The following COL27A1 variants were observed in gnomAD, a reference collection of about 807,000 sequenced individuals.
COL27A1 encodes the protein collagen type XXVII alpha 1 chain.
Under a neutral mutation model 251.3 loss-of-function variants are expected in COL27A1, and 106 were observed. The ratio of observed to expected loss-of-function variants is 0.42; its 90% CI spans 0.36 to 0.50. The LOEUF is 0.50. Among genes scored for constraint, COL27A1 ranks in the 20% least tolerant of loss-of-function variants. The pLI is 0.00. For missense variants in COL27A1, 2,325 were observed against 2,522.8 expected, an observed-to-expected ratio of 0.92 and a Z score of 1.68; for synonymous variants, 1,000 against 986.3, an observed-to-expected ratio of 1.01 and a Z score of -0.26.
chr9:114,175,785 G>A (rs1401010967), intron 3 of COL27A1, among the ~76,000 whole-genome samples: 2 of 152,230 alleles, frequency 1.3e-5, no homozygotes, highest in African/African-American at 2.4e-5. Flanking sequence ...CACGGAGCCT[G>A]TTCCTCCCCG....
Position 114,276,393 on chromosome 9 carries a change from G to A in COL27A1, c.3717+625G>A, listed in dbSNP as rs141557762. On this transcript the variant is annotated intron_variant, in intron 37 of 60. Coordinates refer to ENST00000356083, the MANE Select transcript of COL27A1 (RefSeq NM_032888.4). ...AGCCAAGGCGGGTGGATCACTTGAGGTCAGGAGTTGGAGACCAGCCTGGCC... is the reference window on the plus strand; with the variant it reads ...AGCCAAGGCGGGTGGATCACTTGAGATCAGGAGTTGGAGACCAGCCTGGCC... Among the ~76,000 whole-genome samples the A allele has an allele frequency of 8.0e-3, 1,221 of 152,322 alleles. 10 individuals are homozygous for A. The highest frequency in any genetic ancestry group is 0.013 in the Non-Finnish European group (860 of 68,032).
chr9:114,176,450 G>A (rs1341337450), intron 3 of COL27A1, among the ~76,000 whole-genome samples: 1 of 151,022 alleles, frequency 6.6e-6, no homozygotes, highest in Non-Finnish European at 1.5e-5. Flanking sequence ...TGTCGGCTAG[G>A]TGCTATTATT....
chr9:114,289,974 A>G (rs1200153713), intron 45 of COL27A1, 84 bp from the exon 46 acceptor site: 21 of 1,463,728 alleles, frequency 1.4e-5, no homozygotes, highest in Non-Finnish European at 1.9e-5. Context: ...GGGGCCCACA[A>G]TCCTCTCAGT....
chr9:114,286,028 G>A lies in COL27A1; in HGVS notation c.3987+1251G>A, dbSNP rs1337819685. ...GGCAGAACATGTTCATCAGCCAGAT[G>A]CCTTTTCTCACTTAGAAGGCATTAT... On this transcript the variant is annotated intron_variant, in intron 41 of 60. Coordinates refer to ENST00000356083, the MANE Select transcript of COL27A1 (RefSeq NM_032888.4). 4.6e-5 allele frequency among the ~76,000 whole-genome samples: 7 copies of A among 152,346 alleles called. No homozygotes were observed. In the South Asian group the frequency reaches 1.2e-3, roughly 27 times the overall value.
intron 3 of COL27A1, among the ~76,000 whole-genome samples, chr9:114,176,202 C>T (rs1008198672): frequency 5.9e-5 from 9 of 152,160 alleles, no homozygotes; most frequent in South Asian, 2.1e-4. Context: ...CAGTATGCTT[C>T]GTCTCAGCCC....
At chr9:114,251,570 G>A (rs2135527008) in intron 25 of COL27A1, among the ~76,000 whole-genome samples, 1 of 152,288 alleles carries the variant, frequency 6.6e-6, no homozygotes. Context: ...CCTTCACCCT[G>A]TTTCTTCCAG....
rs748751227 is a variant in COL27A1 at position 114,240,301 on chromosome 9, T to A, written c.2781+28T>A. 3.2e-6 allele frequency: 5 copies of A among 1,585,444 alleles called. No homozygotes were observed. In the East Asian group the frequency reaches 1.1e-4, roughly 36 times the overall value. On this transcript the variant is annotated intron_variant, in intron 20 of 60. Coordinates refer to ENST00000356083, the MANE Select transcript of COL27A1 (RefSeq NM_032888.4). ...GAGTACCTGCCCAGGGCAGCTCCAG[T>A]TGGAGGAGCAGACAGCTCTGCAGAA...
chr9:114,176,418 T>C (rs1264404531), intron 3 of COL27A1, among the ~76,000 whole-genome samples: 2 of 152,176 alleles, frequency 1.3e-5, no homozygotes, highest in Non-Finnish European at 2.9e-5. Context: ...GACACCAGGA[T>C]TAGCACTTGT....
At chr9:114,170,621 C>G (rs1285551838) in intron 3 of COL27A1, among the ~76,000 whole-genome samples, 1 of 152,192 alleles carries the variant, frequency 6.6e-6, no homozygotes, top group Non-Finnish European at 1.5e-5. Context: ...CAGCCTGTCT[C>G]CAAGAGGACG....
At chr9:114,201,803 G>A (rs976722915) in intron 7 of COL27A1, among the ~76,000 whole-genome samples, 4 of 152,164 alleles carry the variant, frequency 2.6e-5, no homozygotes, top group Non-Finnish European at 4.4e-5. Flanking sequence ...TTCATCCCAG[G>A]GAGGCGCATC....
intron 37 of COL27A1, among the ~76,000 whole-genome samples, chr9:114,277,611 A>G (rs772056404): frequency 2.6e-5 from 4 of 152,198 alleles, no homozygotes; most frequent in African/African-American, 4.8e-5. Flanking sequence ...TGAACTCACC[A>G]AACTAGAGAA....
chr9:114,292,233 A>G, intron 49 of COL27A1, 23 bp downstream of exon 49: 1 of 1,524,320 alleles, frequency 6.6e-7, no homozygotes, highest in African/African-American at 1.4e-5. Flanking sequence ...CAAAGAATAC[A>G]CATGCCCACG....
chr9:114,198,744 G>A (rs1314959201), intron 7 of COL27A1, among the ~76,000 whole-genome samples: 1 of 152,170 alleles, frequency 6.6e-6, no homozygotes, highest in Non-Finnish European at 1.5e-5. Context: ...TGAGATACTT[G>A]TGGAAGGAAT....
chr9:114,279,707 G>C (rs928832629), intron 37 of COL27A1, among the ~76,000 whole-genome samples: 7 of 151,980 alleles, frequency 4.6e-5, no homozygotes, highest in African/African-American at 1.7e-4. Flanking sequence ...TAAAAAGTTA[G>C]CTGGGCGTGG....
At chr9:114,218,586 T>C (rs1830865995) in intron 12 of COL27A1, 2 of 152,226 alleles carry the variant, frequency 1.3e-5, no homozygotes, top group South Asian at 4.1e-4. Flanking sequence ...GTGACTACCT[T>C]GGTCTGAATT....
At chr9:114,246,806 G>A (rs1011049784) in intron 24 of COL27A1, among the ~76,000 whole-genome samples, 1 of 152,008 alleles carries the variant, frequency 6.6e-6, no homozygotes, top group Non-Finnish European at 1.5e-5. Flanking sequence ...TCATTCGAGC[G>A]CATTCTGTGG....
intron 5 of COL27A1, among the ~76,000 whole-genome samples, chr9:114,193,708 C>T (rs1230197920): frequency 6.6e-6 from 1 of 152,062 alleles, no homozygotes; most frequent in African/African-American, 2.4e-5. Flanking sequence ...CTGTACACAC[C>T]TGTAAGTGGC....
At chr9:114,170,114 C>T (rs1422876994) in intron 3 of COL27A1, among the ~76,000 whole-genome samples, 1 of 152,230 alleles carries the variant, frequency 6.6e-6, no homozygotes, top group Non-Finnish European at 1.5e-5. Context: ...CTGTGCTGGT[C>T]CCCACTTCTC....
chr9:114,158,475 G>A (rs761870135), intron 1 of COL27A1, among the ~76,000 whole-genome samples: 4 of 152,204 alleles, frequency 2.6e-5, no homozygotes, highest in Non-Finnish European at 5.9e-5. Context: ...GTGGCCAGAC[G>A]ATGTTTCCAT....
Sources: allele counts gnomAD v4.1 joint callset (sites outside exome capture counted in the v4.1 genomes callset), GRCh38; gene constraint gnomAD v4.1.1; transcripts MANE v1.5; gene names NCBI Gene and HGNC (gene_info 2026-07-23, HGNC 2026-07-21).